The following MARK2 variants were observed in gnomAD, a reference collection of about 807,000 sequenced individuals.
MARK2 encodes the protein serine/threonine-protein kinase MARK2.
A neutral mutation model predicts 89.8 loss-of-function variants in MARK2; 16 were observed. That is an observed-to-expected ratio of 0.18 (90% confidence interval 0.12 to 0.27). MARK2 has a LOEUF of 0.27. Among genes scored for constraint, MARK2 ranks in the 10% least tolerant of loss-of-function variants. MARK2 has a pLI of 1.00. For missense variants in MARK2, 621 were observed against 1,049.9 expected, an observed-to-expected ratio of 0.59 and a Z score of 5.65; for synonymous variants, 382 against 399.5, an observed-to-expected ratio of 0.96 and a Z score of 0.52.
rs1464872713 is a variant in MARK2, at chr11:63,904,135, T to G, written c.1664T>G (p.Val555Gly). 6.3e-7 allele frequency: 1 copy of G among 1,583,470 alleles called. No individual in the cohort carries two copies. The highest frequency in any genetic ancestry group is 8.5e-7 in the Non-Finnish European group (1 of 1,170,274). Residue 555 changes from valine to glycine, a missense_variant, in exon 15 of 19, where the codon GTG becomes GGG. By Grantham distance (109) the Val-to-Gly change is moderately radical. This residue lies in a region of MARK2 where 397 missense variants were observed against 567.8 expected (regional missense o/e 0.70). Coordinates refer to ENST00000402010, the MANE Select transcript of MARK2 (RefSeq NM_001039469.3). This position sits in a 1 kb window ranked among gnomAD's most constrained non-coding sequence, Gnocchi z 6.3. ...GLPPTESNCE[V>G]PRPSTAPQRV... Reference sequence around the variant, plus strand: ...CCCCCCACGGAGAGTAACTGTGAGGTGCCGCGGCCCAGGCAAGTGTGCTGG... The same window carrying G: ...CCCCCCACGGAGAGTAACTGTGAGGGGCCGCGGCCCAGGCAAGTGTGCTGG...
At chr11:63,881,041 C>T (rs552787995) in intron 1 of MARK2, among the ~76,000 whole-genome samples, 10 of 152,126 alleles carry the variant, frequency 6.6e-5, no homozygotes, top group Non-Finnish European at 1.2e-4. Flanking sequence ...CAGTGGCTCA[C>T]GCCTGTAATC....
chr11:63,843,884 T>G (rs1258099325), intron 1 of MARK2, among the ~76,000 whole-genome samples: 1 of 152,140 alleles, frequency 6.6e-6, no homozygotes, highest in Non-Finnish European at 1.5e-5. Flanking sequence ...TAAATATTTT[T>G]TTTTTGCTTT....
chr11:63,851,767 CT>C (rs921827756), intron 1 of MARK2, among the ~76,000 whole-genome samples: 81 of 146,838 alleles, frequency 5.5e-4, no homozygotes, highest in East Asian at 1.2e-3. Flanking sequence ...CTTTAGAAAA[CT>C]TTTTTTTTTT....
chr11:63,902,387 G>C lies in MARK2; in HGVS notation c.1234+57G>C. 6.2e-7 allele frequency: 1 copy of C among 1,602,774 alleles called. No homozygotes were observed. On this transcript the variant is annotated intron_variant, in intron 12 of 18. Coordinates refer to ENST00000402010, the MANE Select transcript of MARK2 (RefSeq NM_001039469.3). The surrounding 1 kb of genome is among the most constrained non-coding windows in gnomAD (Gnocchi z 4.2). ...TCACCCCTCTCCAGAGAGGTTACAGGTTCTGTGGGGACTTGGGTAACACAA... is the reference window on the plus strand; with the variant it reads ...TCACCCCTCTCCAGAGAGGTTACAGCTTCTGTGGGGACTTGGGTAACACAA...
intron 1 of MARK2, among the ~76,000 whole-genome samples, chr11:63,859,015 C>G (rs560437323): frequency 1.2e-4 from 18 of 150,696 alleles, no homozygotes; most frequent in Non-Finnish European, 2.7e-4. Context: ...TTAAAAAGAT[C>G]ATTTGGCTTA....
intron 3 of MARK2, 85 bp from the exon 4 acceptor site, chr11:63,898,147 A>G (rs1275401023): frequency 7.9e-7 from 1 of 1,270,064 alleles, no homozygotes; most frequent in Non-Finnish European, 1.1e-6. Flanking sequence ...GTTTTTTGGG[A>G]AAAACAAATC....
intron 1 of MARK2, among the ~76,000 whole-genome samples, chr11:63,871,468 C>G (rs893419273): frequency 1.5e-4 from 18 of 122,382 alleles, no homozygotes; most frequent in Non-Finnish European, 2.9e-4. Context: ...GAGTATTCAC[C>G]GTGTGCAGGT....
chr11:63,888,281 C>T (rs1429211836), intron 1 of MARK2, among the ~76,000 whole-genome samples: 12 of 152,204 alleles, frequency 7.9e-5, no homozygotes, highest in Non-Finnish European at 1.8e-4. Flanking sequence ...AGGGCCGCCA[C>T]TCTGGGTCAG....
intron 1 of MARK2, among the ~76,000 whole-genome samples, chr11:63,866,705 G>GT (rs538384653): frequency 2.0e-5 from 3 of 151,980 alleles, no homozygotes; most frequent in East Asian, 1.9e-4. Flanking sequence ...CCTCATCTGT[G>GT]TTTTTTTGTT....
intron 1 of MARK2, among the ~76,000 whole-genome samples, chr11:63,884,844 C>CA (rs1441685595): frequency 6.6e-6 from 1 of 152,162 alleles, no homozygotes; most frequent in Non-Finnish European, 1.5e-5. Context: ...GATGAAAAGA[C>CA]AGTTTCTGGA....
chr11:63,867,279 C>A (rs910814771), intron 1 of MARK2, among the ~76,000 whole-genome samples: 1 of 152,244 alleles, frequency 6.6e-6, no homozygotes, highest in African/African-American at 2.4e-5. Context: ...CCGCCTGCCT[C>A]AGCCTCCTGA....
At chr11:63,861,740 CTTTTTT>C (rs531935148) in intron 1 of MARK2, among the ~76,000 whole-genome samples, 1 of 127,090 alleles carries the variant, frequency 7.9e-6, no homozygotes, top group Non-Finnish European at 1.6e-5. Flanking sequence ...CTCATTTACT[CTTTTTT>C]TTTTTTTTTT....
rs1941565785 is a variant in MARK2 at position 63,908,858 on chromosome 11, G to A, written c.2007-19G>A. ...GTGCCTCAGCCCCCCCGTGACGCCC[G>A]CCTCTGCCCTCTCCACAGACCTCAC... On this transcript the variant is annotated intron_variant, in intron 18 of 18. Transcript: ENST00000402010. The A allele has an allele frequency of 4.9e-6, 7 of 1,432,928 alleles. No individual in the cohort carries two copies. Among genetic ancestry groups the A allele is most frequent in the Non-Finnish European group, 6.4e-6 (7 of 1,088,708 alleles). 88.8% of individuals were successfully genotyped at this position (1,432,928 alleles called of 1,614,324 possible).
At position 63,910,565 on chromosome 11, in the gene MARK2, G is replaced by T. The variant is rs1184393497; in HGVS notation, c.*1328G>T. 6.6e-6 allele frequency: 1 copy of T among 152,082 alleles called. No homozygotes were observed. Among genetic ancestry groups the T allele is most frequent in the African/African-American group, 2.4e-5 (1 of 41,388 alleles). 9.4% of individuals were successfully genotyped at this position (152,082 alleles called of 1,614,324 possible). On this transcript the variant is annotated 3_prime_UTR_variant, in exon 19 of 19. Coordinates refer to ENST00000402010, the MANE Select transcript of MARK2 (RefSeq NM_001039469.3). ...TGTTTCTGTTCTTGAGAAATTGGGG[G>T]TGGGAGTCCTACACAGAGGCTGCCC...
At chr11:63,891,559 G>A (rs1939860100) in intron 1 of MARK2, among the ~76,000 whole-genome samples, 1 of 152,222 alleles carries the variant, frequency 6.6e-6, no homozygotes. Context: ...AAAGGCCCAA[G>A]TCTGCAGGTA....
Position 63,908,273 on chromosome 11 carries a change from C to T in MARK2, c.1975C>T (p.Pro659Ser), listed in dbSNP as rs1941508017. ...FRFARRNLNE[P>S]ESKDRVETLR... is the part of the protein sequence containing the mutation. ...CTGTTTTTTGAGGAACCTGAATGAA[C>T]CTGAAAGCAAAGACCGAGTGGAGAC... is the stretch of plus-strand genomic sequence containing the variant. The change falls in exon 18 of 19, where the codon CCT becomes TCT. Residue 659 changes from proline to serine, a missense_variant. Transcript: ENST00000402010. 1.3e-6 allele frequency: 2 copies of T among 1,566,182 alleles called. No homozygotes were observed. Among genetic ancestry groups the T allele is most frequent in the Non-Finnish European group, 1.7e-6 (2 of 1,154,526 alleles).
At chr11:63,882,049 TG>T (rs1213695086) in intron 1 of MARK2, among the ~76,000 whole-genome samples, 1 of 152,118 alleles carries the variant, frequency 6.6e-6, no homozygotes, top group African/African-American at 2.4e-5. Context: ...GCTAAGACGG[TG>T]TCTGGATTTG....
chr11:63,908,233 A>G lies in MARK2; in HGVS notation c.1962-27A>G. 1.9e-6 allele frequency: 3 copies of G among 1,551,380 alleles called. No individual in the cohort carries two copies. In the East Asian group the frequency reaches 7.3e-5, roughly 38 times the overall value. On this transcript the variant is annotated intron_variant, in intron 17 of 18. Coordinates refer to ENST00000402010, the MANE Select transcript of MARK2 (RefSeq NM_001039469.3). ...GGAAGGAGCGAGAGATCCCAGCACT[A>G]AACTCTCCCTCGCTCTGTTTTTTGA...
intron 17 of MARK2, 116 bp from the exon 18 acceptor site, chr11:63,908,143 CT>C: frequency 1.1e-6 from 1 of 879,660 alleles, no homozygotes; most frequent in Non-Finnish European, 1.8e-6. Flanking sequence ...GGGCCCTGGG[CT>C]TGGGTCCTGC....
Sources: allele counts gnomAD v4.1 joint callset (sites outside exome capture counted in the v4.1 genomes callset), GRCh38; gene constraint gnomAD v4.1.1; regional missense constraint gnomAD v4.1.1; non-coding constraint Gnocchi (gnomAD v3.1); transcripts MANE v1.5; gene names NCBI Gene and HGNC (gene_info 2026-07-23, HGNC 2026-07-21).